Variants in TENT4A observed in about 807,000 individuals in gnomAD.
The protein encoded by TENT4A is DNA polymerase kappa.
TENT4A carries 7 observed loss-of-function variants against 72.8 expected under a neutral mutation model. That is an observed-to-expected ratio of 0.10 (90% CI 0.05 to 0.18). The LOEUF is 0.18. Among genes scored for constraint, TENT4A ranks in the 10% least tolerant of loss-of-function variants. The pLI, the probability that TENT4A is intolerant of heterozygous loss-of-function variation, is 1.00. For synonymous variants in TENT4A, 456 were observed against 434.3 expected (o/e 1.05, Z -0.62); for missense variants, 831 against 1,017.7 (o/e 0.82, Z 2.50).
intron 6 of TENT4A, among the ~76,000 whole-genome samples, chr5:6,744,814 A>C (rs550130846): frequency 6.6e-6 from 1 of 152,110 alleles, no homozygotes; most frequent in South Asian, 2.1e-4. Flanking sequence ...CATTATTTTG[A>C]ATTAAACATG....
intron 8 of TENT4A, among the ~76,000 whole-genome samples, chr5:6,748,950 A>AT (rs1579495746): frequency 6.6e-6 from 1 of 152,114 alleles, no homozygotes; most frequent in East Asian, 1.9e-4. Flanking sequence ...AGTCAGAAGT[A>AT]TTTACTTCTC....
chr5:6,734,370 G>A, intron 1 of TENT4A, among the ~76,000 whole-genome samples: 1 of 152,242 alleles, frequency 6.6e-6, no homozygotes, highest in East Asian at 1.9e-4. Context: ...GGGCTTTTCA[G>A]GCCAGCCCAG....
At chr5:6,725,550 C>T (rs957004162) in intron 1 of TENT4A, among the ~76,000 whole-genome samples, 7 of 152,208 alleles carry the variant, frequency 4.6e-5, no homozygotes, top group African/African-American at 9.7e-5. Flanking sequence ...AGAGAGGCTG[C>T]GGACCACCTG....
rs1561021321 is a variant in TENT4A, at chr5:6,713,581, G to GGGCCCGCCCCCTCGGCCCCGC, written c.-402_-382dup. The stretch of plus-strand genomic sequence containing the variant: ...CGGGTCCTTCAGCCGCTCGGCGCCT[G>GGGCCCGCCCCCTCGGCCCCGC]GGCCCGCCCCCTCGGCCCCGCCGCC... On this transcript the variant is annotated 5_prime_UTR_variant, in exon 1 of 13. Transcript: ENST00000230859. The GGGCCCGCCCCCTCGGCCCCGC allele has an allele frequency of 2.7e-5, 4 of 147,342 alleles. No homozygotes were observed. Among genetic ancestry groups the GGGCCCGCCCCCTCGGCCCCGC allele is most frequent in the Admixed American group, 2.0e-4 (3 of 14,812 alleles). 9.1% of individuals were successfully genotyped at this position (147,342 alleles called of 1,614,324 possible). A position where few individuals can be genotyped will look rare whatever the true frequency, so the allele number is the denominator to read the frequency against.
chr5:6,718,136 C>T (rs1018328136), intron 1 of TENT4A, among the ~76,000 whole-genome samples: 3 of 152,216 alleles, frequency 2.0e-5, no homozygotes, highest in African/African-American at 7.2e-5. Flanking sequence ...TTAATATCTT[C>T]TATTAACTCA....
chr5:6,747,450 T>G (rs559428660), intron 7 of TENT4A, among the ~76,000 whole-genome samples: 1 of 152,376 alleles, frequency 6.6e-6, no homozygotes, highest in South Asian at 2.1e-4. Flanking sequence ...ATTTAATGGT[T>G]GTTTTTGTTT....
chr5:6,746,727 T>C (rs969218367), intron 7 of TENT4A, among the ~76,000 whole-genome samples: 4 of 152,254 alleles, frequency 2.6e-5, no homozygotes, highest in African/African-American at 9.6e-5. Context: ...CTCTGAAGTA[T>C]GTAATATAGA....
rs555738504 is a variant in TENT4A at position 6,743,548 on chromosome 5, T to A, written c.1117-164T>A. On this transcript the variant is annotated intron_variant, in intron 5 of 12. Coordinates refer to ENST00000230859, the MANE Select transcript of TENT4A (RefSeq NM_006999.6). ...TTCACAAGCCCCTCAGGAAATTAAT[T>A]CTTAGCGTCCCCCAACCAAAGTTTG... Among the ~76,000 whole-genome samples the A allele has an allele frequency of 5.9e-5, 9 of 152,278 alleles. No individual in the cohort carries two copies. In the South Asian group the frequency reaches 1.9e-3, roughly 32 times the overall value.
At chr5:6,734,737 G>A (rs998846648) in intron 1 of TENT4A, among the ~76,000 whole-genome samples, 1 of 152,242 alleles carries the variant, frequency 6.6e-6, no homozygotes, top group Non-Finnish European at 1.5e-5. Flanking sequence ...AGGTCAGGAG[G>A]ACAGTGTTCC....
chr5:6,740,016 G>A (rs890311845), intron 4 of TENT4A, among the ~76,000 whole-genome samples, 164 bp downstream of exon 4: 7 of 152,166 alleles, frequency 4.6e-5, no homozygotes. Context: ...TTATGTTTTT[G>A]TTTCATAGTC....
At chr5:6,721,539 T>C (rs935109924) in intron 1 of TENT4A, among the ~76,000 whole-genome samples, 3 of 152,180 alleles carry the variant, frequency 2.0e-5, no homozygotes, top group African/African-American at 7.2e-5. Context: ...AGTATGGAGG[T>C]GAGTTGTCCA....
chr5:6,739,659 G>C (rs1741695776), intron 3 of TENT4A, 73 bp from the exon 4 acceptor site: 1 of 1,577,708 alleles, frequency 6.3e-7, no homozygotes. Flanking sequence ...GTGCCTTGGT[G>C]CTTATCCTCC....
chr5:6,723,933 A>G (rs182053406), intron 1 of TENT4A, among the ~76,000 whole-genome samples: 9 of 152,230 alleles, frequency 5.9e-5, no homozygotes, highest in African/African-American at 1.7e-4. Context: ...GTTGCATTCT[A>G]TGAAGAGTGG....
rs28381430 is a variant in TENT4A, at chr5:6,753,653, G to A, written c.2184+616G>A. 7.0e-4 allele frequency among the ~76,000 whole-genome samples: 107 copies of A among 152,356 alleles called. No individual in the cohort carries two copies. In the East Asian group the frequency reaches 0.017, roughly 25 times the overall value. Reference sequence around the variant, plus strand: ...AGGATCTTCCAGGTCAGCCCCCGTCGTGTGTGATGTTCCTTGGGCTCTGCG... The same window carrying A: ...AGGATCTTCCAGGTCAGCCCCCGTCATGTGTGATGTTCCTTGGGCTCTGCG... On this transcript the variant is annotated intron_variant, in intron 12 of 12. Coordinates refer to ENST00000230859, the MANE Select transcript of TENT4A (RefSeq NM_006999.6).
At chr5:6,732,098 T>G (rs1176763120) in intron 1 of TENT4A, among the ~76,000 whole-genome samples, 2 of 152,206 alleles carry the variant, frequency 1.3e-5, no homozygotes, top group Admixed American at 1.3e-4. Flanking sequence ...TTAGAAATTG[T>G]GACTTTTGGG....
chr5:6,748,645 T>C (rs976626343), intron 8 of TENT4A, 55 bp downstream of exon 8: 3 of 1,555,194 alleles, frequency 1.9e-6, no homozygotes, highest in Non-Finnish European at 2.6e-6. Flanking sequence ...ATGGTACTTA[T>C]CCCTTTCCTG....
At chr5:6,744,440 C>T (rs538155882) in intron 6 of TENT4A, among the ~76,000 whole-genome samples, 17 of 152,224 alleles carry the variant, frequency 1.1e-4, no homozygotes, top group Admixed American at 3.9e-4. Context: ...GTAATTATTC[C>T]GTTTATATTT....
chr5:6,716,122 G>A (rs1304035119), intron 1 of TENT4A, among the ~76,000 whole-genome samples: 4 of 152,162 alleles, frequency 2.6e-5, no homozygotes, highest in Non-Finnish European at 4.4e-5. Flanking sequence ...GAAAGTGGTA[G>A]CGCATCAGGT....
rs148302744 is a variant in TENT4A, at chr5:6,735,503, C to T, written c.717-2007C>T. Among the ~76,000 whole-genome samples the T allele has an allele frequency of 8.2e-4, 125 of 152,266 alleles. 2 individuals are homozygous for T. Among genetic ancestry groups the T allele is most frequent in the African/African-American group, 2.8e-3 (116 of 41,548 alleles). ...CCTGGGGTGGATGTTAACCTGCTAA[C>T]GTGACATATCTAGTCCTGCTTACAT... On this transcript the variant is annotated intron_variant, in intron 1 of 12. Coordinates refer to ENST00000230859, the MANE Select transcript of TENT4A (RefSeq NM_006999.6).
Sources: allele counts gnomAD v4.1 joint callset (sites outside exome capture counted in the v4.1 genomes callset), GRCh38; gene constraint gnomAD v4.1.1; transcripts MANE v1.5; gene names NCBI Gene and HGNC (gene_info 2026-07-23, HGNC 2026-07-21).